The following ADGRF5 variants were observed in gnomAD, a reference collection of about 807,000 sequenced individuals.
ADGRF5 encodes G-protein coupled receptor 116.
ADGRF5 carries 75 observed loss-of-function variants against 132.3 expected under a neutral mutation model. The ratio of observed to expected loss-of-function variants is 0.57; its 90% CI spans 0.47 to 0.69. The LOEUF is 0.69. ADGRF5 is among the 30% of genes least tolerant of loss of function. The probability of loss-of-function intolerance (pLI) is 0.00; values close to 1 mark genes in which losing one functional copy is unlikely to be tolerated. For synonymous variants in ADGRF5, 629 were observed against 597.6 expected, an observed-to-expected ratio of 1.05 and a Z score of -0.77; for missense variants, 1,516 against 1,630.6, an observed-to-expected ratio of 0.93 and a Z score of 1.21.
chr6:46,931,309 TA>T lies in ADGRF5; in HGVS notation c.-25+23424del, dbSNP rs566430111. Among the ~76,000 whole-genome samples, 308 of 152,264 alleles carry T rather than the reference TA, an allele frequency of 2.0e-3. 3 individuals carry two copies. Among genetic ancestry groups the T allele is most frequent in the South Asian group, 0.014 (67 of 4,818 alleles). On this transcript the variant is annotated intron_variant, in intron 1 of 20. Coordinates refer to the ADGRF5 transcript ENST00000265417. Reference sequence around the variant, plus strand: ...TCTGTTGCCCTTCACAGCTCTTCACTAAAAAGCCAAATACCTAGATCTCATC... The same window carrying T: ...TCTGTTGCCCTTCACAGCTCTTCACTAAAAGCCAAATACCTAGATCTCATC...
intron 1 of ADGRF5, chr6:46,908,075 T>C (rs1350372729): frequency 6.6e-6 from 1 of 152,198 alleles, no homozygotes; most frequent in East Asian, 1.9e-4. Flanking sequence ...GGGAAAATTG[T>C]ATTTCAATTG....
At chr6:46,895,954 G>T (rs1003101462) in intron 3 of ADGRF5, among the ~76,000 whole-genome samples, 2 of 151,978 alleles carry the variant, frequency 1.3e-5, no homozygotes, top group Admixed American at 1.3e-4. Flanking sequence ...CACTCCTGAA[G>T]AGTCACAGGG....
chr6:46,856,318 T>C (rs561259896), intron 19 of ADGRF5, among the ~76,000 whole-genome samples: 1 of 152,374 alleles, frequency 6.6e-6, no homozygotes, highest in South Asian at 2.1e-4. Context: ...AGGGCAATAG[T>C]TGTGTTCCAA....
intron 20 of ADGRF5, chr6:46,854,852 A>C (rs9367258): frequency 0.22 from 145,179 of 646,962 alleles, 17,354 homozygotes; most frequent in East Asian, 0.39. Context: ...TTTCATAATC[A>C]GAAGTGAAGG....
chr6:46,879,781 T>C, intron 9 of ADGRF5, 37 bp downstream of exon 9: 2 of 1,348,734 alleles, frequency 1.5e-6, no homozygotes, highest in East Asian at 2.3e-5. Context: ...AAGCTCTTCA[T>C]TCCATTCCTC....
chr6:46,880,578 T>C (rs1772339462), intron 8 of ADGRF5, among the ~76,000 whole-genome samples: 1 of 152,144 alleles, frequency 6.6e-6, no homozygotes, highest in Non-Finnish European at 1.5e-5. Context: ...GGGAGCTTTA[T>C]AGACAGTAAG....
intron 16 of ADGRF5, among the ~76,000 whole-genome samples, chr6:46,860,083 G>A (rs1365649281): frequency 3.3e-5 from 5 of 152,206 alleles, no homozygotes; most frequent in Admixed American, 2.6e-4. Context: ...CACATGTCTG[G>A]TTATAGCTCT....
In ADGRF5 at chr6:46,856,742, C is replaced by T. The variant is rs1261948884; in HGVS notation, c.3852G>A (p.Ser1284=). 7.7e-6 allele frequency: 12 copies of T among 1,557,766 alleles called. No individual in the cohort carries two copies. Among genetic ancestry groups the T allele is most frequent in the East Asian group, 4.5e-5 (2 of 44,552 alleles). ...QEALLNKFSL[S]RWSSQHSKST... The stretch of plus-strand genomic sequence containing the variant: ...CCTTTGAGTGCTGTGAAGACCATCT[C>T]GACAATGAAAACTTATTCAGCAAAG... Residue 1284 remains serine (S), a synonymous_variant, in exon 19 of 21, where the codon TCG becomes TCA. Coordinates refer to ENST00000283296, the MANE Select transcript of ADGRF5 (RefSeq NM_001098518.2).
chr6:46,953,585 C>G (rs1490418707), intron 1 of ADGRF5, among the ~76,000 whole-genome samples: 5 of 145,874 alleles, frequency 3.4e-5, no homozygotes, highest in Non-Finnish European at 7.5e-5. Context: ...CCACTGTACT[C>G]CAGGCTGGGC....
chr6:46,855,083 A>C (rs1768885224), intron 20 of ADGRF5, among the ~76,000 whole-genome samples: 2 of 152,226 alleles, frequency 1.3e-5, no homozygotes, highest in Admixed American at 1.3e-4. Flanking sequence ...GGATGATGGC[A>C]TGGGGACAGG....
chr6:46,951,563 T>A (rs756055028), intron 1 of ADGRF5, among the ~76,000 whole-genome samples: 5 of 152,186 alleles, frequency 3.3e-5, no homozygotes, highest in Non-Finnish European at 7.4e-5. Flanking sequence ...AGAAAGGGAA[T>A]CCTTTTAGCT....
intron 14 of ADGRF5, among the ~76,000 whole-genome samples, chr6:46,864,463 C>G (rs1433177322): frequency 6.6e-6 from 1 of 152,134 alleles, no homozygotes; most frequent in Non-Finnish European, 1.5e-5. Context: ...CTGGTAAACT[C>G]CTTTAGCAGA....
rs373022909 is a variant in ADGRF5 at position 46,885,251 on chromosome 6, AT to A, written c.329-981del. Reference sequence around the variant, plus strand: ...AAGAAAGGAAGAAAGAAAAAACAGAATTTTTTTTCATATGCCAGTTGTGCTT... The same window carrying A: ...AAGAAAGGAAGAAAGAAAAAACAGAATTTTTTTCATATGCCAGTTGTGCTT... On this transcript the variant is annotated intron_variant, in intron 4 of 20. Transcript: ENST00000283296. Among the ~76,000 whole-genome samples the A allele has an allele frequency of 2.9e-3, 447 of 151,530 alleles. 2 individuals carry two copies. Among genetic ancestry groups the A allele is most frequent in the African/African-American group, 9.9e-3 (410 of 41,326 alleles).
At chr6:46,940,027 A>G (rs1194137773) in intron 1 of ADGRF5, among the ~76,000 whole-genome samples, 1 of 152,096 alleles carries the variant, frequency 6.6e-6, no homozygotes, top group Non-Finnish European at 1.5e-5. Context: ...TTTTCAATAC[A>G]TACAGTTGGT....
At chr6:46,883,314 C>T (rs755115671) in intron 6 of ADGRF5, among the ~76,000 whole-genome samples, 3 of 152,250 alleles carry the variant, frequency 2.0e-5, no homozygotes, top group African/African-American at 4.8e-5. Flanking sequence ...ATTGATGCCA[C>T]GAAATCTTAA....
intron 1 of ADGRF5, among the ~76,000 whole-genome samples, chr6:46,914,587 C>T (rs1776262360): frequency 6.6e-6 from 1 of 152,180 alleles, no homozygotes; most frequent in African/African-American, 2.4e-5. Context: ...CCAAAACACA[C>T]TGCACATGTG....
At chr6:46,909,340 C>T (rs901403722) in intron 1 of ADGRF5, among the ~76,000 whole-genome samples, 3 of 152,190 alleles carry the variant, frequency 2.0e-5, no homozygotes, top group African/African-American at 7.2e-5. Flanking sequence ...TCCCGATCTC[C>T]TTCTCTTTTT....
At chr6:46,877,322 CTTCTTTCTTTCTTTCTTTCTTTCTTTCT>C (rs201240602) in intron 10 of ADGRF5, among the ~76,000 whole-genome samples, 21 of 30,312 alleles carry the variant, frequency 6.9e-4, no homozygotes, top group African/African-American at 1.1e-3. Context: ...TCCTTCCTTC[CTTCTTTCTTTCTTTCTTTCTTTCTTTCT>C]TTCTTTCTTT....
At chr6:46,878,488 G>GA (rs1210492798) in intron 9 of ADGRF5, 83 bp from the exon 10 acceptor site, 1 of 815,894 alleles carries the variant, frequency 1.2e-6, no homozygotes, top group Non-Finnish European at 2.0e-6. Flanking sequence ...CATGGATCAT[G>GA]ACAGTACTTC....
Sources: gnomAD v4.1 joint callset for allele counts (sites outside exome capture counted in the v4.1 genomes callset) on GRCh38, gnomAD v4.1.1 for gene constraint, MANE v1.5 for transcripts, NCBI Gene and HGNC (gene_info 2026-07-23, HGNC 2026-07-21) for gene names.